Variants in RGS7 observed in about 807,000 individuals in gnomAD.
RGS7 encodes regulator of G protein signaling 7, also known as regulator of G-protein signaling 7.
A neutral mutation model predicts 81.1 loss-of-function variants in RGS7; 27 were observed. That is an observed-to-expected ratio of 0.33 (90% CI 0.25 to 0.46). The LOEUF (loss-of-function observed/expected upper bound fraction) is 0.46. Among genes scored for constraint, RGS7 ranks in the 20% least tolerant of loss-of-function variants. The pLI is 1.00. For synonymous variants in RGS7, 208 were observed against 207.7 expected, an observed-to-expected ratio of 1.00 and a Z score of -0.01; for missense variants, 396 against 607.4, an observed-to-expected ratio of 0.65 and a Z score of 3.66.
chr1:241,284,074 T>C (rs1445357836), intron 2 of RGS7, among the ~76,000 whole-genome samples: 1 of 152,232 alleles, frequency 6.6e-6, no homozygotes, highest in Non-Finnish European at 1.5e-5. Flanking sequence ...TGAATCATTT[T>C]TTTCATGGCT....
intron 2 of RGS7, among the ~76,000 whole-genome samples, chr1:241,232,912 A>G (rs1375718079): frequency 6.6e-6 from 1 of 151,896 alleles, no homozygotes; most frequent in East Asian, 1.9e-4. Context: ...TGCTATTTTT[A>G]TTGTTATATT....
chr1:240,880,618 C>T (rs1209696188), intron 6 of RGS7, among the ~76,000 whole-genome samples: 4 of 152,108 alleles, frequency 2.6e-5, no homozygotes, highest in Non-Finnish European at 2.9e-5. Flanking sequence ...TCTGGTGCCA[C>T]GCTCATGCCT....
intron 2 of RGS7, among the ~76,000 whole-genome samples, chr1:241,174,895 G>GTTTTTTT (rs551122102): frequency 2.2e-4 from 15 of 69,232 alleles, no homozygotes; most frequent in East Asian, 5.2e-4. Flanking sequence ...ACAGAATTTT[G>GTTTTTTT]TTTTTTTTTT....
rs141514724 is a variant in RGS7 at position 241,068,177 on chromosome 1, T to C, written c.175+30489A>G. Among the ~76,000 whole-genome samples the C allele has an allele frequency of 4.0e-3, 577 of 145,838 alleles. 4 individuals carry two copies. The highest frequency in any genetic ancestry group is 5.7e-3 in the Non-Finnish European group (379 of 66,816). ...CATTAATTCAGTGGGTCAGTATTTTTATCAGAGAGAGTAAACTTTACTTTG... is the reference window on the plus strand; with the variant it reads ...CATTAATTCAGTGGGTCAGTATTTTCATCAGAGAGAGTAAACTTTACTTTG... On this transcript the variant is annotated intron_variant, in intron 3 of 18. Transcript: ENST00000440928.
chr1:241,145,674 G>A (rs2068260707), intron 2 of RGS7, among the ~76,000 whole-genome samples: 1 of 152,198 alleles, frequency 6.6e-6, no homozygotes, highest in Non-Finnish European at 1.5e-5. Context: ...AACCTGGGAG[G>A]TGGAGGTTGC....
intron 2 of RGS7, among the ~76,000 whole-genome samples, chr1:241,344,372 C>T (rs566046686): frequency 1.3e-5 from 2 of 152,306 alleles, no homozygotes; most frequent in East Asian, 3.9e-4. Flanking sequence ...CCTTAGATGT[C>T]ATCACTTCCA....
At chr1:241,170,514 C>A (rs2070652396) in intron 2 of RGS7, among the ~76,000 whole-genome samples, 1 of 152,172 alleles carries the variant, frequency 6.6e-6, no homozygotes, top group Admixed American at 6.5e-5. Flanking sequence ...GCCTGCAAAT[C>A]TCTTACGCAT....
chr1:241,061,847 A>C (rs1363539838), intron 3 of RGS7, among the ~76,000 whole-genome samples: 1 of 152,168 alleles, frequency 6.6e-6, no homozygotes, highest in Non-Finnish European at 1.5e-5. Context: ...ATTATCTATT[A>C]CATCTGCCCC....
intron 3 of RGS7, among the ~76,000 whole-genome samples, chr1:241,098,095 T>C (rs1388291175): frequency 6.6e-6 from 1 of 152,202 alleles, no homozygotes; most frequent in Non-Finnish European, 1.5e-5. Flanking sequence ...CACAATATCC[T>C]CTGCCAAACA....
At chr1:241,183,980 C>A (rs569774231) in intron 2 of RGS7, among the ~76,000 whole-genome samples, 8 of 152,258 alleles carry the variant, frequency 5.3e-5, no homozygotes, top group African/African-American at 1.9e-4. Flanking sequence ...ATGGACAGAA[C>A]AGGAGTCGAT....
chr1:240,831,928 T>A (rs1157243290), intron 9 of RGS7, among the ~76,000 whole-genome samples: 1 of 152,194 alleles, frequency 6.6e-6, no homozygotes, highest in Admixed American at 6.5e-5. Flanking sequence ...TGAGTCACTG[T>A]GCATGGCCAA....
chr1:241,170,517 T>C (rs2070652894), intron 2 of RGS7, among the ~76,000 whole-genome samples: 1 of 152,178 alleles, frequency 6.6e-6, no homozygotes, highest in South Asian at 2.1e-4. Flanking sequence ...TGCAAATCTC[T>C]TACGCATTTA....
intron 18 of RGS7, among the ~76,000 whole-genome samples, chr1:240,790,634 G>A (rs1171956771): frequency 2.0e-5 from 3 of 152,188 alleles, no homozygotes; most frequent in African/African-American, 7.2e-5. Flanking sequence ...AAGTGGATTA[G>A]GGAAGGGATT....
At chr1:240,877,552 C>A (rs1489889902) in intron 6 of RGS7, among the ~76,000 whole-genome samples, 1 of 152,030 alleles carries the variant, frequency 6.6e-6, no homozygotes. Context: ...TTGTGGCTAA[C>A]TTTTCATATC....
intron 2 of RGS7, among the ~76,000 whole-genome samples, chr1:241,326,446 T>C (rs1161023346): frequency 6.6e-6 from 1 of 152,230 alleles, no homozygotes; most frequent in Non-Finnish European, 1.5e-5. Flanking sequence ...CGTGTATCAG[T>C]AGGCCTGTCT....
intron 3 of RGS7, among the ~76,000 whole-genome samples, chr1:240,995,708 C>CTT (rs71172669): frequency 0.037 from 5,149 of 139,718 alleles, 289 homozygotes; most frequent in African/African-American, 0.12. Flanking sequence ...TGTGTCTTTT[C>CTT]TTTTTTTTTT....
intron 2 of RGS7, among the ~76,000 whole-genome samples, chr1:241,106,617 G>A (rs1201183508): frequency 6.6e-6 from 1 of 151,280 alleles, no homozygotes; most frequent in Non-Finnish European, 1.5e-5. Flanking sequence ...TCAGGAGTCT[G>A]AGGCAGGAGA....
chr1:241,322,794 A>G (rs1047510170), intron 2 of RGS7, among the ~76,000 whole-genome samples: 2 of 152,250 alleles, frequency 1.3e-5, no homozygotes, highest in African/African-American at 4.8e-5. Context: ...CTATACAGTC[A>G]TATCACCAAT....
At chr1:241,226,066 G>C (rs1297393876) in intron 2 of RGS7, among the ~76,000 whole-genome samples, 4 of 152,154 alleles carry the variant, frequency 2.6e-5, no homozygotes. Context: ...GTTTCCTGTA[G>C]CTAGATCGTA....
Sources: gnomAD v4.1 joint callset for allele counts (sites outside exome capture counted in the v4.1 genomes callset) on GRCh38, gnomAD v4.1.1 for gene constraint, MANE v1.5 for transcripts, NCBI Gene and HGNC (gene_info 2026-07-23, HGNC 2026-07-21) for gene names.